The following SDK1 variants were observed in gnomAD, a reference collection of about 807,000 sequenced individuals.
SDK1 encodes the protein protein sidekick-1.
In SDK1, 157 loss-of-function variants were observed where a neutral mutation model predicts 245.5. The ratio of observed to expected loss-of-function variants is 0.64; its 90% CI spans 0.56 to 0.73. The LOEUF is 0.73. Ranked by LOEUF, SDK1 falls within the 30% of genes least tolerant of loss-of-function variation. SDK1 has a pLI of 0.00. For synonymous variants in SDK1, 1,647 were observed against 1,278.5 expected, an observed-to-expected ratio of 1.29 and a Z score of -6.15; for missense variants, 3,583 against 3,002.3, an observed-to-expected ratio of 1.19 and a Z score of -4.52.
At chr7:4,168,351 T>A (rs1584351809) in intron 32 of SDK1, among the ~76,000 whole-genome samples, 1 of 152,360 alleles carries the variant, frequency 6.6e-6, no homozygotes, top group East Asian at 1.9e-4. Flanking sequence ...TGACGGACAC[T>A]GTGTCTGTTG....
intron 1 of SDK1, among the ~76,000 whole-genome samples, chr7:3,415,585 TAC>T (rs1359442180): frequency 2.0e-5 from 3 of 151,978 alleles, no homozygotes; most frequent in Admixed American, 6.6e-5. Flanking sequence ...AATGCCCATA[TAC>T]ACACACAGAA....
At chr7:4,121,149 A>G (rs1447718093) in intron 25 of SDK1, among the ~76,000 whole-genome samples, 1 of 151,820 alleles carries the variant, frequency 6.6e-6, no homozygotes, top group East Asian at 1.9e-4. Flanking sequence ...CCCTGAGGAG[A>G]CTTTCTCTAG....
intron 19 of SDK1, among the ~76,000 whole-genome samples, chr7:4,055,130 T>G (rs1429561241): frequency 6.6e-6 from 1 of 152,226 alleles, no homozygotes; most frequent in African/African-American, 2.4e-5. Context: ...TTTAGAAGTA[T>G]TCCCACTTCT....
intron 1 of SDK1, among the ~76,000 whole-genome samples, chr7:3,497,438 C>T (rs532150410): frequency 2.5e-4 from 38 of 152,236 alleles, no homozygotes; most frequent in Non-Finnish European, 4.3e-4. Flanking sequence ...GACATCATTG[C>T]GTCTTTATTA....
At chr7:4,006,574 GA>G (rs1486412161) in intron 14 of SDK1, among the ~76,000 whole-genome samples, 3 of 152,178 alleles carry the variant, frequency 2.0e-5, no homozygotes, top group African/African-American at 7.2e-5. Context: ...TCCAGAGCTT[GA>G]GAATGAGCAA....
At chr7:3,486,392 G>A (rs1781695021) in intron 1 of SDK1, among the ~76,000 whole-genome samples, 1 of 151,932 alleles carries the variant, frequency 6.6e-6, no homozygotes, top group Non-Finnish European at 1.5e-5. Context: ...TGGTATTTTT[G>A]TTTGGTTTTC....
chr7:3,890,221 A>G (rs1781428101), intron 5 of SDK1, among the ~76,000 whole-genome samples: 1 of 152,200 alleles, frequency 6.6e-6, no homozygotes, highest in South Asian at 2.1e-4. Context: ...AGTCTAGAGA[A>G]TTACTCTGCA....
At chr7:4,205,199 A>G (rs564764529) in intron 35 of SDK1, among the ~76,000 whole-genome samples, 7 of 152,284 alleles carry the variant, frequency 4.6e-5, no homozygotes, top group Non-Finnish European at 8.8e-5. Flanking sequence ...GTTCTCAAAC[A>G]TCGGAGCTTC....
chr7:3,536,329 G>A (rs1337140155), intron 1 of SDK1, among the ~76,000 whole-genome samples: 1 of 152,108 alleles, frequency 6.6e-6, no homozygotes, highest in Non-Finnish European at 1.5e-5. Flanking sequence ...GCCTCCCAAA[G>A]TGTTGGGATT....
chr7:3,774,440 C>G (rs975636662), intron 4 of SDK1, among the ~76,000 whole-genome samples: 14 of 152,158 alleles, frequency 9.2e-5, no homozygotes, highest in African/African-American at 3.4e-4. Context: ...AACCGTATGC[C>G]AAGCTGCTCC....
chr7:4,161,859 A>T lies in SDK1; in HGVS notation c.4800+3A>T. On this transcript the variant is annotated splice_donor_region_variant and intron_variant, in intron 32 of 44. Coordinates refer to ENST00000404826, the MANE Select transcript of SDK1 (RefSeq NM_152744.4). ...CCTCTGTCCTGATACAGTGGCAGGT[A>T]AGAGCGCGGGGAATCACGCGCGTTT... 6.2e-7 allele frequency: 1 copy of T among 1,613,560 alleles called. No homozygotes were observed. The highest frequency in any genetic ancestry group is 1.1e-5 in the South Asian group (1 of 91,068).
chr7:4,021,022 G>C (rs1387555836), intron 17 of SDK1, among the ~76,000 whole-genome samples: 1 of 152,182 alleles, frequency 6.6e-6, no homozygotes, highest in East Asian at 1.9e-4. Context: ...CCATTACACT[G>C]GAAGAGATCT....
At chr7:3,336,659 C>T (rs551146544) in intron 1 of SDK1, among the ~76,000 whole-genome samples, 12 of 152,098 alleles carry the variant, frequency 7.9e-5, no homozygotes, top group Non-Finnish European at 5.9e-5. Flanking sequence ...AACTTCTGCT[C>T]CTGGATGCAG....
intron 16 of SDK1, 107 bp from the exon 17 acceptor site, chr7:4,017,064 T>G: frequency 9.0e-7 from 1 of 1,107,058 alleles, no homozygotes; most frequent in Non-Finnish European, 1.3e-6. Flanking sequence ...GCTCTGCTCT[T>G]GATTATTTAC....
At chr7:3,771,400 A>G (rs189364242) in intron 4 of SDK1, among the ~76,000 whole-genome samples, 1 of 152,320 alleles carries the variant, frequency 6.6e-6, no homozygotes. Flanking sequence ...TTTCACATTC[A>G]TATTGCAAAG....
intron 4 of SDK1, among the ~76,000 whole-genome samples, chr7:3,797,908 T>C (rs1222803150): frequency 3.3e-5 from 5 of 152,160 alleles, no homozygotes; most frequent in Admixed American, 6.5e-5. Flanking sequence ...GCTTTTGAGA[T>C]CATTCAAATC....
chr7:3,595,828 C>CAAAAAAA (rs35037283), intron 1 of SDK1, among the ~76,000 whole-genome samples: 6 of 54,032 alleles, frequency 1.1e-4, no homozygotes, highest in African/African-American at 1.4e-4. Context: ...GACTTCATCT[C>CAAAAAAA]AAAAAAAAAA....
chr7:3,901,253 C>G (rs1339862304), intron 5 of SDK1, among the ~76,000 whole-genome samples: 2 of 151,910 alleles, frequency 1.3e-5, no homozygotes, highest in African/African-American at 2.4e-5. Context: ...GTGGCACGAT[C>G]TCAGCTCACT....
At position 3,974,503 on chromosome 7, in the gene SDK1, C is replaced by T; in HGVS notation, c.1952C>T (p.Ser651Phe). The change falls in exon 13 of 45, where the codon TCT becomes TTT. Residue 651 changes from serine to phenylalanine, a missense_variant. Coordinates refer to ENST00000404826, the MANE Select transcript of SDK1 (RefSeq NM_152744.4). The stretch of plus-strand genomic sequence containing the variant: ...GGTGACTACAGCTGCGAGATTGTTT[C>T]TGAAGGAGGGAATGACTCCAGGATG... Reference protein sequence around the residue: ...DIGDYSCEIVSEGGNDSRMAR... With the variant: ...DIGDYSCEIVFEGGNDSRMAR... 6.2e-7 allele frequency: 1 copy of T among 1,614,152 alleles called. No homozygotes were observed. The highest frequency in any genetic ancestry group is 8.5e-7 in the Non-Finnish European group (1 of 1,180,030).
Sources: allele counts gnomAD v4.1 joint callset (sites outside exome capture counted in the v4.1 genomes callset), GRCh38; gene constraint gnomAD v4.1.1; transcripts MANE v1.5; gene names NCBI Gene and HGNC (gene_info 2026-07-23, HGNC 2026-07-21).